The following RORB variants were observed in gnomAD, a reference collection of about 807,000 sequenced individuals.
The protein encoded by RORB is RAR related orphan receptor B, also known as nuclear receptor ROR-beta.
In RORB, 6 loss-of-function variants were observed where a neutral mutation model predicts 59.1. That is an observed-to-expected ratio of 0.10 (90% CI 0.06 to 0.20). RORB has a LOEUF of 0.20. Among genes scored for constraint, RORB ranks in the 10% least tolerant of loss-of-function variants. The pLI is 1.00. For synonymous variants in RORB, 215 were observed against 204.5 expected (o/e 1.05, Z -0.44); for missense variants, 320 against 560.5 (o/e 0.57, Z 4.33).
Position 74,642,802 on chromosome 9 carries a change from C to G in RORB, c.624C>G (p.Thr208=). ...FNNGQLAPGI[T]MTEIDRIAQN... is the part of the protein sequence containing the mutation. The stretch of plus-strand genomic sequence containing the variant: ...ATGGGCAGTTAGCACCAGGGATAAC[C>G]ATGACTGAAATCGGTAAGTGGAAGT... The change falls in exon 4 of 10, where the codon ACC becomes ACG. Residue 208 remains threonine (T), a synonymous_variant. Coordinates refer to ENST00000376896, the MANE Select transcript of RORB (RefSeq NM_006914.4). 1.3e-6 allele frequency: 2 copies of G among 1,590,392 alleles called. No homozygotes were observed. Among genetic ancestry groups the G allele is most frequent in the Non-Finnish European group, 1.7e-6 (2 of 1,164,546 alleles).
At chr9:74,650,952 A>G (rs12336057) in intron 4 of RORB, among the ~76,000 whole-genome samples, 7,282 of 152,254 alleles carry the variant, frequency 0.048, 279 homozygotes, top group East Asian at 0.18. Context: ...GTTTAAATTA[A>G]CAATCAATCC....
intron 1 of RORB, among the ~76,000 whole-genome samples, chr9:74,558,746 G>T (rs112488563): frequency 8.7e-5 from 13 of 148,804 alleles, no homozygotes; most frequent in African/African-American, 2.7e-4. Flanking sequence ...AGGACAAAGT[G>T]CTGAGAAGAG....
At chr9:74,549,589 G>GAAGGAAGA (rs1826567181) in intron 1 of RORB, among the ~76,000 whole-genome samples, 1 of 75,586 alleles carries the variant, frequency 1.3e-5, no homozygotes, top group Non-Finnish European at 2.9e-5. Flanking sequence ...AGGAAGGAAG[G>GAAGGAAGA]AAGGAAGGAA....
At chr9:74,584,258 G>C (rs560803521) in intron 1 of RORB, among the ~76,000 whole-genome samples, 11 of 152,126 alleles carry the variant, frequency 7.2e-5, no homozygotes, top group Non-Finnish European at 1.0e-4. Context: ...TCATTACTGC[G>C]CATGTATAGA....
intron 1 of RORB, among the ~76,000 whole-genome samples, chr9:74,597,883 G>T (rs993553169): frequency 1.5e-4 from 23 of 152,040 alleles, no homozygotes; most frequent in African/African-American, 5.1e-4. Context: ...GCTTGAACCC[G>T]GGAGGCAGAG....
Position 74,513,556 on chromosome 9 carries a change from GAA to G in RORB, c.7+15579_7+15580del, listed in dbSNP as rs989583635. Among the ~76,000 whole-genome samples, 2 of 151,836 alleles carry G rather than the reference GAA, an allele frequency of 1.3e-5. 1 individual carries two copies. The highest frequency in any genetic ancestry group is 3.9e-4 in the East Asian group (2 of 5,192). On this transcript the variant is annotated intron_variant, in intron 1 of 9. Transcript: ENST00000376896. ...TTAACTCAGAACCTGTGTTCACAGA[GAA>G]AAAAATGGTTAAGTCTAAAATATAT... is the stretch of plus-strand genomic sequence containing the variant.
At chr9:74,498,303 G>T (rs572058744) in intron 1 of RORB, 20 of 428,936 alleles carry the variant, frequency 4.7e-5, no homozygotes, top group Non-Finnish European at 8.0e-5. Context: ...AGCGGACGCG[G>T]GATGGAGAAA....
At chr9:74,623,056 A>G (rs1823450195) in intron 1 of RORB, among the ~76,000 whole-genome samples, 1 of 152,196 alleles carries the variant, frequency 6.6e-6, no homozygotes, top group Non-Finnish European at 1.5e-5. Context: ...GATTTCCAGA[A>G]CTACTGTGAA....
At chr9:74,518,122 C>G (rs1172573927) in intron 1 of RORB, among the ~76,000 whole-genome samples, 1 of 152,014 alleles carries the variant, frequency 6.6e-6, no homozygotes, top group Non-Finnish European at 1.5e-5. Context: ...CTGGGTCTAT[C>G]TCATTTGTCT....
intron 3 of RORB, among the ~76,000 whole-genome samples, chr9:74,641,351 C>T (rs1823802424): frequency 6.6e-6 from 1 of 152,220 alleles, no homozygotes; most frequent in Non-Finnish European, 1.5e-5. Flanking sequence ...ACTTGCAGCA[C>T]TTCTTCCTTC....
chr9:74,568,842 A>G (rs531403749), intron 1 of RORB, among the ~76,000 whole-genome samples: 2 of 152,260 alleles, frequency 1.3e-5, no homozygotes, highest in East Asian at 1.9e-4. Context: ...GTATAAATGT[A>G]TATTAAAATA....
chr9:74,559,041 G>C (rs555079860), intron 1 of RORB, among the ~76,000 whole-genome samples: 1 of 152,230 alleles, frequency 6.6e-6, no homozygotes, highest in South Asian at 2.1e-4. Context: ...TTAGTCTCTT[G>C]GATTGGAGCA....
chr9:74,551,985 A>G (rs1311004113), intron 1 of RORB, among the ~76,000 whole-genome samples: 1 of 152,204 alleles, frequency 6.6e-6, no homozygotes, highest in African/African-American at 2.4e-5. Flanking sequence ...ACAAGAGGCT[A>G]TTGAAAGGAC....
intron 1 of RORB, among the ~76,000 whole-genome samples, chr9:74,531,076 C>G (rs540375087): frequency 6.6e-6 from 1 of 151,962 alleles, no homozygotes; most frequent in Non-Finnish European, 1.5e-5. Context: ...ATATAGTACT[C>G]CCCCAATGAT....
chr9:74,525,264 T>C (rs1826140975), intron 1 of RORB, among the ~76,000 whole-genome samples: 1 of 151,904 alleles, frequency 6.6e-6, no homozygotes, highest in Admixed American at 6.6e-5. Context: ...ATAGAGGTTA[T>C]AAAGAGTTGG....
chr9:74,595,517 C>T (rs370000491), intron 1 of RORB, among the ~76,000 whole-genome samples: 53 of 152,316 alleles, frequency 3.5e-4, no homozygotes, highest in Middle Eastern at 3.4e-3. Context: ...TCCCATCAGA[C>T]TTTACTGTCT....
chr9:74,662,368 T>C, intron 5 of RORB, 106 bp from the exon 6 acceptor site: 1 of 1,069,328 alleles, frequency 9.4e-7, no homozygotes. Context: ...AATTCCCTCC[T>C]TTGGCCCCAA....
chr9:74,526,423 C>T (rs1293390986), intron 1 of RORB, among the ~76,000 whole-genome samples: 1 of 151,878 alleles, frequency 6.6e-6, no homozygotes, highest in Non-Finnish European at 1.5e-5. Flanking sequence ...CGCCTTCCTT[C>T]CCCTGCTCAG....
rs1390345964 is a variant in RORB, at chr9:74,662,456, G to T, written c.760-18G>T. On this transcript the variant is annotated intron_variant, in intron 5 of 9. Transcript: ENST00000376896. ...AAGTCGTTTGCCCTATTTACATTCTGTGTCTTCTCTCCTCAAGTCCAGGGA... is the reference window on the plus strand; with the variant it reads ...AAGTCGTTTGCCCTATTTACATTCTTTGTCTTCTCTCCTCAAGTCCAGGGA... The T allele has an allele frequency of 4.3e-6, 7 of 1,613,330 alleles. No individual in the cohort carries two copies. Among genetic ancestry groups the T allele is most frequent in the Non-Finnish European group, 5.9e-6 (7 of 1,179,566 alleles).
Sources: gnomAD v4.1 joint callset for allele counts (sites outside exome capture counted in the v4.1 genomes callset) on GRCh38, gnomAD v4.1.1 for gene constraint, MANE v1.5 for transcripts, NCBI Gene and HGNC (gene_info 2026-07-23, HGNC 2026-07-21) for gene names.